Variants in FOXO4 observed in about 807,000 individuals in gnomAD.
The protein encoded by FOXO4 is forkhead box protein O4.
In FOXO4, 3 loss-of-function variants were observed where a neutral mutation model predicts 20.8. The ratio of observed to expected loss-of-function variants is 0.14; its 90% confidence interval spans 0.07 to 0.37. The LOEUF is 0.37. Ranked by LOEUF, FOXO4 falls within the 10% of genes least tolerant of loss-of-function variation. The pLI is 1.00. For missense variants in FOXO4, 309 were observed against 431.9 expected, an observed-to-expected ratio of 0.72 and a Z score of 2.52; for synonymous variants, 158 against 180.0, an observed-to-expected ratio of 0.88 and a Z score of 0.98.
Position 71,101,179 on chromosome X carries a change from T to A in FOXO4, c.949T>A (p.Ser317Thr), listed in dbSNP as rs2092230328. 1 of 1,208,834 alleles carries A rather than the reference T, an allele frequency of 8.3e-7. No individual in the cohort carries two copies. The highest frequency in any genetic ancestry group is 2.2e-5 in the Admixed American group (1 of 45,675). The change falls in exon 2 of 3, where the codon TCC (serine) becomes ACC (threonine). Residue 317 changes from serine to threonine, a missense_variant. Ser to Thr is a moderately conservative substitution (Grantham distance 58). Coordinates refer to ENST00000374259, the MANE Select transcript of FOXO4 (RefSeq NM_005938.4). ...TGGGCTCAATCTCACCTCTTCCCAT[T>A]CCCTGCTATCTCGGAGTGGTCTCTC... ...LDGLNLTSSH[S>T]LLSRSGLSGF...
Position 71,096,658 on chromosome X carries a change from C to A in FOXO4, c.130C>A (p.Pro44Thr). The A allele has an allele frequency of 1.7e-6, 2 of 1,210,483 alleles. No homozygotes were observed. The highest frequency in any genetic ancestry group is 3.5e-5 in the South Asian group (2 of 56,749). Reference protein sequence around the residue: ...PLPRPEIANQPSEPPEVEPDL... With the variant: ...PLPRPEIANQTSEPPEVEPDL... Reference sequence around the variant, plus strand: ...TCCCCGACCAGAGATCGCTAACCAGCCGTCCGAGCCGCCCGAGGTGGAGCC... The same window carrying A: ...TCCCCGACCAGAGATCGCTAACCAGACGTCCGAGCCGCCCGAGGTGGAGCC... The change falls in exon 1 of 3, where the codon CCG becomes ACG. Residue 44 changes from proline to threonine, a missense_variant. Pro to Thr is a conservative substitution (Grantham distance 38). Around this residue, in one of 3 missense-constraint regions of FOXO4, gnomAD observed 81 missense variants for 94.2 expected, o/e 0.86. Transcript: ENST00000374259.
chrX:71,100,862 C>A lies in FOXO4; in HGVS notation c.632C>A (p.Ala211Asp), dbSNP rs1436311019. 1 of 1,211,013 alleles carries A rather than the reference C, an allele frequency of 8.3e-7. No homozygotes were observed. The highest frequency in any genetic ancestry group is 2.2e-5 in the Admixed American group (1 of 46,030). The change falls in exon 2 of 3, where the codon GCC (alanine) becomes GAC (aspartate). Residue 211 changes from alanine to aspartate, a missense_variant. Physicochemically the swap from Ala to Asp is moderately radical, Grantham distance 126. Around this residue, in one of 3 missense-constraint regions of FOXO4, gnomAD observed 223 missense variants for 302.7 expected, o/e 0.74. Transcript: ENST00000374259. ...SSKLLRGRSK[A>D]PKKKPSVLPA... ...AAGCTGCTCCGGGGCCGCAGTAAAG[C>A]CCCCAAGAAGAAACCATCTGTGCTG... is the stretch of plus-strand genomic sequence containing the variant.
chrX:71,099,272 GGCTGAAGAA>G (rs1402807638), intron 1 of FOXO4: 1 of 111,609 alleles, frequency 9.0e-6, no homozygotes, highest in East Asian at 2.8e-4. Context: ...CTGCACTGGG[GGCTGAAGAA>G]GCTGCCAATC....
rs1335927503 is a variant in FOXO4, at chrX:71,096,651, TA to T, written c.125del (p.Asn42ThrfsTer47). 3 of 1,210,452 alleles carry T rather than the reference TA, an allele frequency of 2.5e-6. No individual in the cohort carries two copies. Among genetic ancestry groups the T allele is most frequent in the Non-Finnish European group, 3.4e-6 (3 of 894,894 alleles). On this transcript the variant is annotated frameshift_variant, in exon 1 of 3. Transcript: ENST00000374259. LOFTEE classifies it high-confidence loss of function. ...TWPLPRPEIA[N>X]QPSEPPEVEP... ...GGCCCCTTCCCCGACCAGAGATCGCTAACCAGCCGTCCGAGCCGCCCGAGGT... is the reference window on the plus strand; with the variant it reads ...GGCCCCTTCCCCGACCAGAGATCGCTACCAGCCGTCCGAGCCGCCCGAGGT...
chrX:71,102,094 G>A lies in FOXO4; in HGVS notation c.*10G>A, dbSNP rs2092233291. The A allele has an allele frequency of 8.3e-7, 1 of 1,207,033 alleles. No individual in the cohort carries two copies. The highest frequency in any genetic ancestry group is 1.8e-5 in the African/African-American group (1 of 57,065). On this transcript the variant is annotated 3_prime_UTR_variant, in exon 3 of 3. Coordinates refer to ENST00000374259, the MANE Select transcript of FOXO4 (RefSeq NM_005938.4). Reference sequence around the variant, plus strand: ...TCCCACAGATCCCTGAGTCATGCCTGGAAGCTTTGTCCCCTGCTTCAGATG... The same window carrying A: ...TCCCACAGATCCCTGAGTCATGCCTAGAAGCTTTGTCCCCTGCTTCAGATG...
At chrX:71,100,472 A>C (rs1602283044) in intron 1 of FOXO4, among the ~76,000 whole-genome samples, 1 of 103,118 alleles carries the variant, frequency 9.7e-6, no homozygotes, top group Non-Finnish European at 1.9e-5. Context: ...TTTATCTTTT[A>C]TCTTTTTCTC....
chrX:71,101,380 A>G lies in FOXO4; in HGVS notation c.1150A>G (p.Thr384Ala). 1 of 1,210,219 alleles carries G rather than the reference A, an allele frequency of 8.3e-7. No individual in the cohort carries two copies. The highest frequency in any genetic ancestry group is 1.1e-6 in the Non-Finnish European group (1 of 894,960). ...TPPPPADVLM[T>A]QVDPILSQAP... ...ACCACCCCCTGCTGACGTCCTCATG[A>G]CCCAGGTAGATCCCATTCTGTCCCA... The change falls in exon 2 of 3, where the codon ACC becomes GCC. Residue 384 changes from threonine (T) to alanine (A), a missense_variant. Physicochemically the swap from Thr to Ala is moderately conservative, Grantham distance 58. Transcript: ENST00000374259.
At chrX:71,100,116 C>A (rs1569478856) in intron 1 of FOXO4, among the ~76,000 whole-genome samples, 1 of 111,875 alleles carries the variant, frequency 8.9e-6, no homozygotes, top group Non-Finnish European at 1.9e-5. Context: ...CCCACCTGAA[C>A]CTAGTTCTTG....
At chrX:71,102,056 C>G in intron 2 of FOXO4, 21 bp from the exon 3 acceptor site, 1 of 1,208,591 alleles carries the variant, frequency 8.3e-7, no homozygotes, top group Non-Finnish European at 1.1e-6. Flanking sequence ...TTACCTTGTT[C>G]TCTGTTTCTT....
Position 71,096,490 on chromosome X carries a change from C to T in FOXO4, c.-39C>T. The T allele has an allele frequency of 8.8e-7, 1 of 1,134,311 alleles. No individual in the cohort carries two copies. Among genetic ancestry groups the T allele is most frequent in the Non-Finnish European group, 1.2e-6 (1 of 836,803 alleles). The allele number at this position is 1,134,311 out of a possible 1,213,427, so 93.5% of individuals were successfully genotyped here. On this transcript the variant is annotated 5_prime_UTR_variant, in exon 1 of 3. Transcript: ENST00000374259. ...AGGCATCGTGAGGGACTGTGGCAGGCTTCACTGAACGCTGAGCCGGGGAGG... is the reference window on the plus strand; with the variant it reads ...AGGCATCGTGAGGGACTGTGGCAGGTTTCACTGAACGCTGAGCCGGGGAGG...
Position 71,100,677 on chromosome X carries a change from C to A in FOXO4, c.454-7C>A. The A allele has an allele frequency of 8.5e-7, 1 of 1,176,389 alleles. No homozygotes were observed. The highest frequency in any genetic ancestry group is 1.1e-6 in the Non-Finnish European group (1 of 875,420). On this transcript the variant is annotated splice_region_variant and splice_polypyrimidine_tract_variant and intron_variant, in intron 1 of 2. Coordinates refer to ENST00000374259, the MANE Select transcript of FOXO4 (RefSeq NM_005938.4). ...ACGCCCCTTTCCTGCCATCTCTGCC[C>A]CTCCAGAACTCGATCCGCCACAACC...
Position 71,101,407 on chromosome X carries a change from G to T in FOXO4, c.1177G>T (p.Ala393Ser). ...MTQVDPILSQ[A>S]PTLLLLGGLP... is the part of the protein sequence containing the mutation. ...CCAGGTAGATCCCATTCTGTCCCAG[G>T]CTCCGACTCTTCTGTTGCTGGGGGG... The change falls in exon 2 of 3, where the codon GCT (alanine) becomes TCT (serine). Residue 393 changes from alanine (A) to serine (S), a missense_variant. Around this residue, in one of 3 missense-constraint regions of FOXO4, gnomAD observed 223 missense variants for 302.7 expected, o/e 0.74. Transcript: ENST00000374259. 1 of 1,211,366 alleles carries T rather than the reference G, an allele frequency of 8.3e-7. No homozygotes were observed. The highest frequency in any genetic ancestry group is 1.8e-5 in the South Asian group (1 of 56,960).
chrX:71,098,607 G>A (rs1488342564), intron 1 of FOXO4, among the ~76,000 whole-genome samples: 1 of 112,262 alleles, frequency 8.9e-6, no homozygotes, highest in Non-Finnish European at 1.9e-5. Context: ...ACATGTAAGA[G>A]TTATGGGCTT....
chrX:71,096,575 T>C lies in FOXO4; in HGVS notation c.47T>C (p.Ile16Thr), dbSNP rs1482582345. 2.5e-6 allele frequency: 3 copies of C among 1,209,864 alleles called. No individual in the cohort carries two copies. The highest frequency in any genetic ancestry group is 3.5e-5 in the African/African-American group (2 of 57,745). ...ENSATEAAAIIDLDPDFEPQS... is the reference protein window; with the variant it reads ...ENSATEAAAITDLDPDFEPQS... ...TCAGCCACAGAGGCTGCCGCGATCATAGACCTAGATCCCGACTTCGAACCC... is the reference window on the plus strand; with the variant it reads ...TCAGCCACAGAGGCTGCCGCGATCACAGACCTAGATCCCGACTTCGAACCC... Residue 16 changes from isoleucine to threonine, a missense_variant, in exon 1 of 3, where the codon ATA (isoleucine) becomes ACA (threonine). Coordinates refer to ENST00000374259, the MANE Select transcript of FOXO4 (RefSeq NM_005938.4).
At chrX:71,101,864 C>A in intron 2 of FOXO4, 124 bp downstream of exon 2, 1 of 710,169 alleles carries the variant, frequency 1.4e-6, no homozygotes, top group Non-Finnish European at 2.2e-6. Flanking sequence ...TCCTGGGGAA[C>A]TGGAGGGAAG....
At chrX:71,099,239 C>T (rs2092224819) in intron 1 of FOXO4, 1 of 111,696 alleles carries the variant, frequency 9.0e-6, no homozygotes, top group South Asian at 3.7e-4. Context: ...CTAGCCTGCC[C>T]CGCGGCAATC....
At chrX:71,100,545 A>T (rs2092228127) in intron 1 of FOXO4, 139 bp from the exon 2 acceptor site, 1 of 370,010 alleles carries the variant, frequency 2.7e-6, no homozygotes. Context: ...GAAGCCCCGA[A>T]ATGAACCCTG....
intron 1 of FOXO4, among the ~76,000 whole-genome samples, chrX:71,098,310 CA>C (rs942150170): frequency 2.7e-5 from 3 of 112,207 alleles, no homozygotes; most frequent in African/African-American, 9.7e-5. Flanking sequence ...CACCTAATAA[CA>C]GCAGGGTGAG....
chrX:71,101,158 C>T lies in FOXO4; in HGVS notation c.928C>T (p.Leu310Phe). ...TGAAGGTCTAGAGCTGTTAGATGGG[C>T]TCAATCTCACCTCTTCCCATTCCCT... ...LNEGLELLDG[L>F]NLTSSHSLLS... The change falls in exon 2 of 3, where the codon CTC becomes TTC. Residue 310 changes from leucine to phenylalanine, a missense_variant. By Grantham distance (22) the Leu-to-Phe change is conservative (BLOSUM62 0). Transcript: ENST00000374259. 2.5e-6 allele frequency: 3 copies of T among 1,211,244 alleles called. No individual in the cohort carries two copies. The highest frequency in any genetic ancestry group is 3.4e-6 in the Non-Finnish European group (3 of 895,220).
Sources: gnomAD v4.1 joint callset for allele counts (sites outside exome capture counted in the v4.1 genomes callset) on GRCh38, gnomAD v4.1.1 for gene constraint, gnomAD v4.1.1 regional missense constraint, MANE v1.5 for transcripts, NCBI Gene and HGNC (gene_info 2026-07-23, HGNC 2026-07-21) for gene names.